Variants in ATXN1 observed in about 807,000 individuals in gnomAD.
ATXN1 encodes ataxin-1.
Under a neutral mutation model 56.4 loss-of-function variants are expected in ATXN1, and 8 were observed. The ratio of observed to expected loss-of-function variants is 0.14; its 90% CI spans 0.08 to 0.26. The LOEUF (loss-of-function observed/expected upper bound fraction) is 0.26. Among genes scored for constraint, ATXN1 ranks in the 10% least tolerant of loss-of-function variants. ATXN1 has a pLI of 1.00. For synonymous variants in ATXN1, 514 were observed against 494.6 expected (o/e 1.04, Z -0.52); for missense variants, 987 against 1,106.5 (o/e 0.89, Z 1.53).
At chr6:16,518,910 A>G (rs553348430) in intron 5 of ATXN1, among the ~76,000 whole-genome samples, 1 of 152,316 alleles carries the variant, frequency 6.6e-6, no homozygotes, top group South Asian at 2.1e-4. Flanking sequence ...AGATGAGGAA[A>G]TATGAAGCCT....
chr6:16,548,140 A>G (rs1016275462), intron 4 of ATXN1, among the ~76,000 whole-genome samples: 3 of 152,244 alleles, frequency 2.0e-5, no homozygotes, highest in Admixed American at 6.5e-5. Flanking sequence ...ATGATACTGT[A>G]CTGAATACTG....
chr6:16,538,977 C>T (rs1301029381), intron 4 of ATXN1, among the ~76,000 whole-genome samples: 5 of 152,130 alleles, frequency 3.3e-5, no homozygotes, highest in African/African-American at 9.7e-5. Flanking sequence ...TGAGTCACTG[C>T]GCCCAGCCCA....
intron 3 of ATXN1, among the ~76,000 whole-genome samples, chr6:16,595,559 A>G (rs1335578610): frequency 6.6e-6 from 1 of 152,262 alleles, no homozygotes; most frequent in Non-Finnish European, 1.5e-5. Context: ...TACCTTCTTT[A>G]ACACAAGTGG....
intron 4 of ATXN1, among the ~76,000 whole-genome samples, chr6:16,544,060 C>G (rs1761766833): frequency 6.6e-6 from 1 of 152,222 alleles, no homozygotes; most frequent in African/African-American, 2.4e-5. Flanking sequence ...GGTGTGCCAT[C>G]CTGAGCAAGT....
chr6:16,734,517 T>C (rs553731959), intron 2 of ATXN1, among the ~76,000 whole-genome samples: 2 of 152,338 alleles, frequency 1.3e-5, no homozygotes, highest in South Asian at 4.1e-4. Context: ...AATATATGTA[T>C]ACTTTTTTGA....
At chr6:16,656,976 A>G (rs2237163) in intron 3 of ATXN1, among the ~76,000 whole-genome samples, 3,991 of 148,272 alleles carry the variant, frequency 0.027, 77 homozygotes, top group South Asian at 0.076. Context: ...ATACAGTATT[A>G]TAATCTTTTT....
intron 6 of ATXN1, among the ~76,000 whole-genome samples, chr6:16,413,152 T>A (rs1378411428): frequency 6.6e-6 from 1 of 152,248 alleles, no homozygotes; most frequent in African/African-American, 2.4e-5. Context: ...ATATTTTATA[T>A]TTAATCCTCA....
intron 6 of ATXN1, among the ~76,000 whole-genome samples, chr6:16,404,863 C>T (rs1326157460): frequency 1.3e-5 from 2 of 152,102 alleles, no homozygotes; most frequent in African/African-American, 2.4e-5. Context: ...CCACCTCACA[C>T]CAGATTTTGT....
rs192445418 is a variant in ATXN1, at chr6:16,317,726, C to A, written c.1917+8668G>T. 2.0e-5 allele frequency among the ~76,000 whole-genome samples: 3 copies of A among 151,652 alleles called. No homozygotes were observed. The East Asian group carries it at 5.9e-4, about 30-fold the overall frequency. On this transcript the variant is annotated intron_variant, in intron 7 of 7. Coordinates refer to ENST00000436367, the MANE Select transcript of ATXN1 (RefSeq NM_001128164.2). ...TTTTGGGGGTGGACCGCCTCCCACC[C>A]TCCTCCACTCTTTCCCTCCCTCCTC...
intron 6 of ATXN1, among the ~76,000 whole-genome samples, chr6:16,443,890 G>T (rs1561898194): frequency 6.6e-6 from 1 of 152,114 alleles, no homozygotes; most frequent in Non-Finnish European, 1.5e-5. Flanking sequence ...GCCAAGGAGG[G>T]CCGATCACAA....
At chr6:16,752,627 T>C (rs534233829) in intron 2 of ATXN1, among the ~76,000 whole-genome samples, 6 of 152,206 alleles carry the variant, frequency 3.9e-5, no homozygotes, top group Non-Finnish European at 8.8e-5. Flanking sequence ...AACCTCTTTT[T>C]CCTTCCTGAT....
At chr6:16,389,635 C>T (rs928972628) in intron 6 of ATXN1, among the ~76,000 whole-genome samples, 1 of 152,140 alleles carries the variant, frequency 6.6e-6, no homozygotes, top group Non-Finnish European at 1.5e-5. Context: ...AGATAAAAAG[C>T]GAGCATGTGA....
At chr6:16,499,199 C>T (rs541337098) in intron 5 of ATXN1, among the ~76,000 whole-genome samples, 3 of 152,284 alleles carry the variant, frequency 2.0e-5, no homozygotes, top group Admixed American at 1.3e-4. Flanking sequence ...AAGGGTTCAA[C>T]TTCTTTCTCT....
chr6:16,467,988 G>T (rs533924940), intron 6 of ATXN1, among the ~76,000 whole-genome samples: 18 of 152,210 alleles, frequency 1.2e-4, no homozygotes, highest in South Asian at 4.2e-4. Context: ...CATCGAATAT[G>T]TTGTAACTTG....
chr6:16,604,175 A>C (rs1196327153), intron 3 of ATXN1, among the ~76,000 whole-genome samples: 1 of 152,078 alleles, frequency 6.6e-6, no homozygotes, highest in Non-Finnish European at 1.5e-5. Context: ...AATGCTTCTC[A>C]AGAACCTCTC....
chr6:16,739,465 C>T (rs1432817226), intron 2 of ATXN1: 1 of 189,472 alleles, frequency 5.3e-6, no homozygotes, highest in Non-Finnish European at 1.2e-5. Flanking sequence ...TACTCCAGGT[C>T]ATCCCAGGAC....
chr6:16,710,385 T>C (rs370230403), intron 2 of ATXN1, among the ~76,000 whole-genome samples: 25 of 152,266 alleles, frequency 1.6e-4, no homozygotes, highest in African/African-American at 5.8e-4. Flanking sequence ...TTCTCTCTTA[T>C]GATTCAGTGC....
chr6:16,538,009 A>G (rs1176858903), intron 4 of ATXN1, among the ~76,000 whole-genome samples: 1 of 152,226 alleles, frequency 6.6e-6, no homozygotes, highest in East Asian at 1.9e-4. Context: ...AGGTCAAAGC[A>G]GGAGAATCAC....
At chr6:16,427,744 A>C (rs1000268223) in intron 6 of ATXN1, among the ~76,000 whole-genome samples, 1 of 152,234 alleles carries the variant, frequency 6.6e-6, no homozygotes, top group Non-Finnish European at 1.5e-5. Flanking sequence ...TTCAGCTTCT[A>C]TAAAACAACA....
Sources: gnomAD v4.1 joint callset for allele counts (sites outside exome capture counted in the v4.1 genomes callset) on GRCh38, gnomAD v4.1.1 for gene constraint, MANE v1.5 for transcripts, NCBI Gene and HGNC (gene_info 2026-07-23, HGNC 2026-07-21) for gene names.